The following FRG1 variants were observed in gnomAD, a reference collection of about 807,000 sequenced individuals.
The protein encoded by FRG1 is protein FRG1.
Under a neutral mutation model 37.0 loss-of-function variants are expected in FRG1, and 19 were observed. The ratio of observed to expected loss-of-function variants is 0.51; its 90% CI spans 0.36 to 0.75. The LOEUF is 0.75. Ranked by LOEUF, FRG1 falls within the 30% of genes least tolerant of loss-of-function variation. The pLI is 0.00. For missense variants in FRG1, 243 were observed against 301.4 expected, an observed-to-expected ratio of 0.81 and a Z score of 1.44; for synonymous variants, 73 against 96.5, an observed-to-expected ratio of 0.76 and a Z score of 1.43.
At chr4:189,950,322 C>T (rs1736701591) in intron 2 of FRG1, among the ~76,000 whole-genome samples, 4 of 152,134 alleles carry the variant, frequency 2.6e-5, no homozygotes, top group Admixed American at 1.3e-4. Flanking sequence ...CCTGGGTTGC[C>T]TTTTACTCTG....
chr4:189,951,888 A>T (rs12649488), intron 2 of FRG1, among the ~76,000 whole-genome samples: 44,027 of 152,032 alleles, frequency 0.29, 6,497 homozygotes, highest in Middle Eastern at 0.43. Context: ...AGTCGCATGA[A>T]TCTCTGCACA....
chr4:189,946,072 C>T lies in FRG1; in HGVS notation c.133+2800C>T, dbSNP rs144942929. On this transcript the variant is annotated intron_variant, in intron 2 of 8. Coordinates refer to ENST00000226798, the MANE Select transcript of FRG1 (RefSeq NM_004477.3). ...ATTCCTTTAATATGCTTTTAATGTC[C>T]GTAGAATCTCATCTGTATTGCAGTC... Among the ~76,000 whole-genome samples, 251 of 152,082 alleles carry T rather than the reference C, an allele frequency of 1.7e-3. 2 individuals carry two copies. The highest frequency in any genetic ancestry group is 5.6e-3 in the African/African-American group (233 of 41,498).
chr4:189,946,726 G>A (rs1422330999), intron 2 of FRG1, among the ~76,000 whole-genome samples: 2 of 152,138 alleles, frequency 1.3e-5, no homozygotes, highest in Admixed American at 6.5e-5. Context: ...AGATATTATA[G>A]GTATGTTATT....
intron 4 of FRG1, among the ~76,000 whole-genome samples, chr4:189,953,865 A>G (rs1315611624): frequency 6.6e-6 from 1 of 152,184 alleles, no homozygotes; most frequent in Non-Finnish European, 1.5e-5. Context: ...AAAAAATTCA[A>G]TAGTTTTAAA....
intron 6 of FRG1, among the ~76,000 whole-genome samples, 169 bp from the exon 7 acceptor site, chr4:189,960,579 A>G (rs1737186310): frequency 6.6e-6 from 1 of 152,246 alleles, no homozygotes; most frequent in Non-Finnish European, 1.5e-5. Context: ...CATATAGATT[A>G]TATATATGAA....
intron 5 of FRG1, among the ~76,000 whole-genome samples, chr4:189,956,514 A>C (rs1736988524): frequency 6.6e-6 from 1 of 152,194 alleles, no homozygotes; most frequent in Non-Finnish European, 1.5e-5. Context: ...GACTCAGCTG[A>C]ATAATCTGTG....
At chr4:189,956,686 T>C (rs1345235085) in intron 5 of FRG1, among the ~76,000 whole-genome samples, 4 of 152,252 alleles carry the variant, frequency 2.6e-5, no homozygotes, top group Non-Finnish European at 5.9e-5. Context: ...ACATATTTTG[T>C]AATCATTGTA....
chr4:189,956,540 G>T (rs1196032147), intron 5 of FRG1, among the ~76,000 whole-genome samples: 4 of 152,130 alleles, frequency 2.6e-5, no homozygotes, highest in African/African-American at 9.7e-5. Flanking sequence ...GGTTTAAATC[G>T]TCTTGGACCA....
At chr4:189,957,963 TC>T (rs1193823807) in intron 6 of FRG1, among the ~76,000 whole-genome samples, 1 of 152,140 alleles carries the variant, frequency 6.6e-6, no homozygotes, top group Non-Finnish European at 1.5e-5. Flanking sequence ...TCCTAAAATT[TC>T]TTTATAAACA....
chr4:189,942,686 G>T (rs186371713), intron 1 of FRG1, among the ~76,000 whole-genome samples: 20 of 152,212 alleles, frequency 1.3e-4, no homozygotes, highest in Admixed American at 9.2e-4. Flanking sequence ...GTATTTTTGT[G>T]GGTGTATGTT....
At chr4:189,942,583 A>G (rs778555691) in intron 1 of FRG1, among the ~76,000 whole-genome samples, 1 of 152,090 alleles carries the variant, frequency 6.6e-6, no homozygotes, top group Non-Finnish European at 1.5e-5. Flanking sequence ...TGGATGTATC[A>G]TTTTGTTCAT....
intron 1 of FRG1, 106 bp downstream of exon 1, chr4:189,941,177 C>T: frequency 1.9e-6 from 2 of 1,033,258 alleles, no homozygotes; most frequent in South Asian, 1.4e-5. Context: ...TTTGTGGCCT[C>T]CCAGGCTTCG....
rs1445792230 is a variant in FRG1, at chr4:189,952,185, T to G, written c.157T>G (p.Phe53Val). Reference sequence around the variant, plus strand: ...AGGAATCTGGTGGACAGTAACAAACTTTGGTGAAATTTCAGGAACCATAGC... The same window carrying G: ...AGGAATCTGGTGGACAGTAACAAACGTTGGTGAAATTTCAGGAACCATAGC... ...IVGIWWTVTN[F>V]GEISGTIAIE... The change falls in exon 3 of 9, where the codon TTT becomes GTT. Residue 53 changes from phenylalanine to valine, a missense_variant. By Grantham distance (50) the Phe-to-Val change is conservative. This residue lies in a region of FRG1 where 110 missense variants were observed against 102.2 expected (regional missense o/e 1.08). Transcript: ENST00000226798. 1 of 1,598,226 alleles carries G rather than the reference T, an allele frequency of 6.3e-7. No individual in the cohort carries two copies. The highest frequency in any genetic ancestry group is 1.3e-5 in the African/African-American group (1 of 74,602).
rs75403683 is a variant in FRG1, at chr4:189,941,024, C to T, written c.15C>T (p.Ser5=). The T allele has an allele frequency of 5.6e-6, 9 of 1,614,078 alleles. No homozygotes were observed. The East Asian group carries it at 6.7e-5, about 12-fold the overall frequency. ...TTCCCGGAGCCATGGCCGAGTACTC[C>T]TACGTGAAGTCTACCAAGCTCGTGC... MAEY[S]YVKSTKLVLK... The change falls in exon 1 of 9, where the codon TCC becomes TCT. Residue 5 remains serine (S), a synonymous_variant. Coordinates refer to ENST00000226798, the MANE Select transcript of FRG1 (RefSeq NM_004477.3).
chr4:189,942,145 A>G (rs1736337700), intron 1 of FRG1: 1 of 157,446 alleles, frequency 6.4e-6, no homozygotes, highest in Non-Finnish European at 1.4e-5. Flanking sequence ...ATGCTCATAT[A>G]GCACTGTCAA....
intron 8 of FRG1, among the ~76,000 whole-genome samples, chr4:189,962,518 A>C (rs950665170): frequency 1.5e-4 from 23 of 152,176 alleles, no homozygotes; most frequent in South Asian, 6.2e-4. Context: ...GATAATCACC[A>C]GCCGCTCATT....
chr4:189,949,963 T>A (rs1736684730), intron 2 of FRG1, among the ~76,000 whole-genome samples: 1 of 152,240 alleles, frequency 6.6e-6, no homozygotes, highest in Admixed American at 6.5e-5. Context: ...CATTTTACCT[T>A]CCCACCAGCA....
intron 2 of FRG1, among the ~76,000 whole-genome samples, chr4:189,951,076 A>C (rs1736732614): frequency 6.6e-6 from 1 of 152,238 alleles, no homozygotes; most frequent in South Asian, 2.1e-4. Flanking sequence ...ATTAAGATAT[A>C]AACTTTTATA....
At position 189,941,059 on chromosome 4, in the gene FRG1, C is replaced by A; in HGVS notation, c.50C>A (p.Thr17Asn). 6.2e-7 allele frequency: 1 copy of A among 1,613,994 alleles called. No homozygotes were observed. ...VKSTKLVLKGTKTKSKKKKSK... is the reference protein window; with the variant it reads ...VKSTKLVLKGNKTKSKKKKSK... ...TCTACCAAGCTCGTGCTCAAGGGAA[C>A]CAAGACGAAGAGGTGGGTCCTGCAG... Residue 17 changes from threonine to asparagine, a missense_variant, in exon 1 of 9, where the codon ACC becomes AAC. Thr to Asn is a moderately conservative substitution (Grantham distance 65). Coordinates refer to ENST00000226798, the MANE Select transcript of FRG1 (RefSeq NM_004477.3).
Sources: allele counts gnomAD v4.1 joint callset (sites outside exome capture counted in the v4.1 genomes callset), GRCh38; gene constraint gnomAD v4.1.1; regional missense constraint gnomAD v4.1.1; transcripts MANE v1.5; gene names NCBI Gene and HGNC (gene_info 2026-07-23, HGNC 2026-07-21).